Variants in AGBL2 observed in about 807,000 individuals in gnomAD.
The protein encoded by AGBL2 is AGBL carboxypeptidase 2.
Under a neutral mutation model 103.0 loss-of-function variants are expected in AGBL2, and 87 were observed. The ratio of observed to expected loss-of-function variants is 0.84; its 90% CI spans 0.71 to 1.01. The LOEUF is 1.01. Ranked by LOEUF, AGBL2 falls within the 50% of genes least tolerant of loss-of-function variation. The pLI, the probability that AGBL2 is intolerant of heterozygous loss-of-function variation, is 0.00. For synonymous variants in AGBL2, 335 were observed against 356.7 expected, an observed-to-expected ratio of 0.94 and a Z score of 0.69; for missense variants, 904 against 1,023.5, an observed-to-expected ratio of 0.88 and a Z score of 1.59.
chr11:47,678,325 A>ATTTT (rs1228331674), intron 13 of AGBL2, among the ~76,000 whole-genome samples: 17 of 116,164 alleles, frequency 1.5e-4, no homozygotes, highest in African/African-American at 4.4e-4. Flanking sequence ...ATTTTATTTT[A>ATTTT]TTTTATTTTA....
At chr11:47,672,126 T>TA (rs992342827) in intron 14 of AGBL2, among the ~76,000 whole-genome samples, 2 of 152,120 alleles carry the variant, frequency 1.3e-5, no homozygotes, top group Non-Finnish European at 2.9e-5. Context: ...TTAAATTTTT[T>TA]AAAAAATAGA....
rs4752790 is a variant in AGBL2 at position 47,712,090 on chromosome 11, A to G, written c.98-1579T>C. ...TCTAAAAAATAAATAAATAAATATC[A>G]TAATAGTTTTGCTGTCATACTTCAT... On this transcript the variant is annotated intron_variant, in intron 3 of 18. Transcript: ENST00000525123. Among the ~76,000 whole-genome samples, 1,282 of 152,306 alleles carry G rather than the reference A, an allele frequency of 8.4e-3. 61 individuals carry two copies. The highest frequency in any genetic ancestry group is 0.074 in the Admixed American group (1,134 of 15,272).
chr11:47,673,197 C>T (rs560488156), intron 14 of AGBL2, among the ~76,000 whole-genome samples: 1 of 152,252 alleles, frequency 6.6e-6, no homozygotes, highest in Admixed American at 6.5e-5. Context: ...CAATAAACAA[C>T]AGATATTGGC....
In AGBL2 at chr11:47,711,163, C is replaced by G. The variant is rs1046476040; in HGVS notation, c.98-652G>C. ...GACCTCTCCTGTCTCCCCACTACCC[C>G]AAGAGCAGGAAGGGACTCCTCTCTG... On this transcript the variant is annotated intron_variant, in intron 3 of 18. Coordinates refer to ENST00000525123, the MANE Select transcript of AGBL2 (RefSeq NM_024783.4). Among the ~76,000 whole-genome samples, 4 of 152,076 alleles carry G rather than the reference C, an allele frequency of 2.6e-5. No individual in the cohort carries two copies. In the South Asian group the frequency reaches 8.3e-4, roughly 32 times the overall value.
chr11:47,671,240 C>A (rs1456679238), intron 14 of AGBL2, among the ~76,000 whole-genome samples: 1 of 152,042 alleles, frequency 6.6e-6, no homozygotes. Context: ...CAAGGCCAGG[C>A]GCGGTGGCTC....
chr11:47,690,068 A>T lies in AGBL2; in HGVS notation c.1631+8T>A, dbSNP rs755356510. 1.3e-6 allele frequency: 2 copies of T among 1,593,878 alleles called. No homozygotes were observed. The highest frequency in any genetic ancestry group is 1.7e-6 in the Non-Finnish European group (2 of 1,171,834). The stretch of plus-strand genomic sequence containing the variant: ...GTCACAGAAAGATCAACAGATAAAA[A>T]GTCTCACCTTTTGATCATGTTCCTG... On this transcript the variant is annotated splice_region_variant and intron_variant, in intron 10 of 18. Transcript: ENST00000525123.
intron 17 of AGBL2, among the ~76,000 whole-genome samples, chr11:47,666,385 C>T (rs1394678073): frequency 6.5e-5 from 9 of 138,336 alleles, no homozygotes; most frequent in Non-Finnish European, 1.1e-4. Context: ...GAGTAAGACT[C>T]CATCTCAAAA....
chr11:47,710,649 A>G (rs1565100006), intron 3 of AGBL2, 138 bp from the exon 4 acceptor site: 1 of 999,086 alleles, frequency 1.0e-6, no homozygotes, highest in African/African-American at 1.6e-5. Context: ...GCATTTTTCA[A>G]AGAGCTTTCA....
chr11:47,685,814 A>C (rs1014653040), intron 11 of AGBL2, 79 bp downstream of exon 11: 1 of 1,399,312 alleles, frequency 7.1e-7, no homozygotes, highest in African/African-American at 1.5e-5. Flanking sequence ...ACAAAATGCC[A>C]AATAAAACAC....
At chr11:47,681,095 C>T (rs1052523726) in intron 12 of AGBL2, among the ~76,000 whole-genome samples, 2 of 151,530 alleles carry the variant, frequency 1.3e-5, no homozygotes, top group East Asian at 2.0e-4. Context: ...TTTGAGAGGC[C>T]GAGGCAGGAG....
intron 14 of AGBL2, among the ~76,000 whole-genome samples, chr11:47,671,211 T>C (rs1002394665): frequency 3.3e-5 from 5 of 152,036 alleles, no homozygotes; most frequent in African/African-American, 1.2e-4. Flanking sequence ...CAGGGGTCTA[T>C]ACACACAGTT....
intron 7 of AGBL2, among the ~76,000 whole-genome samples, chr11:47,703,438 A>G (rs2097505751): frequency 6.6e-6 from 1 of 152,176 alleles, no homozygotes; most frequent in Non-Finnish European, 1.5e-5. Flanking sequence ...GTGTAACTTG[A>G]TTTTGGTGAG....
At chr11:47,711,005 C>G (rs1336241321) in intron 3 of AGBL2, 1 of 363,482 alleles carries the variant, frequency 2.8e-6, no homozygotes, top group African/African-American at 2.1e-5. Flanking sequence ...GGTTCCAACC[C>G]TCAATAACAT....
At chr11:47,703,920 A>G (rs1344981484) in intron 7 of AGBL2, among the ~76,000 whole-genome samples, 58 of 119,692 alleles carry the variant, frequency 4.8e-4, no homozygotes, top group African/African-American at 1.6e-3. Context: ...AGCGAAAGTC[A>G]GTCTCAAAAA....
chr11:47,689,111 G>A (rs1452477267), intron 10 of AGBL2, among the ~76,000 whole-genome samples: 1 of 151,958 alleles, frequency 6.6e-6, no homozygotes, highest in South Asian at 2.1e-4. Flanking sequence ...TTACATTATA[G>A]CCTTCAATGC....
intron 8 of AGBL2, among the ~76,000 whole-genome samples, chr11:47,697,842 G>A (rs72911734): frequency 0.046 from 6,966 of 150,626 alleles, 215 homozygotes; most frequent in Non-Finnish European, 0.069. Flanking sequence ...CATCGCGCCC[G>A]GCCTTTTTTT....
chr11:47,665,052 T>A (rs1033544260), intron 17 of AGBL2, among the ~76,000 whole-genome samples: 1 of 151,594 alleles, frequency 6.6e-6, no homozygotes, highest in African/African-American at 2.4e-5. Context: ...CAGCTCATTT[T>A]TTTTCTTCTT....
intron 14 of AGBL2, among the ~76,000 whole-genome samples, chr11:47,672,717 G>A (rs916668120): frequency 1.4e-4 from 21 of 152,210 alleles, no homozygotes; most frequent in Admixed American, 2.0e-4. Flanking sequence ...CATGGTGAAT[G>A]GGGCACACTA....
At chr11:47,692,924 T>C (rs1030085300) in intron 8 of AGBL2, among the ~76,000 whole-genome samples, 2 of 151,856 alleles carry the variant, frequency 1.3e-5, no homozygotes, top group African/African-American at 4.8e-5. Flanking sequence ...GCTCAAGTGA[T>C]CCTCCCACCT....
Sources: gnomAD v4.1 joint callset for allele counts (sites outside exome capture counted in the v4.1 genomes callset) on GRCh38, gnomAD v4.1.1 for gene constraint, MANE v1.5 for transcripts, NCBI Gene and HGNC (gene_info 2026-07-23, HGNC 2026-07-21) for gene names.